Variants in TRIM45 observed in about 807,000 individuals in gnomAD.
TRIM45 encodes the protein E3 ubiquitin-protein ligase TRIM45.
Under a neutral mutation model 46.7 loss-of-function variants are expected in TRIM45, and 45 were observed. The ratio of observed to expected loss-of-function variants is 0.96; its 90% CI spans 0.76 to 1.24. TRIM45 has a LOEUF of 1.24. Ranked by LOEUF, TRIM45 falls within the 50% of genes most tolerant of loss-of-function variation. TRIM45 has a pLI of 0.00. For missense variants in TRIM45, 680 were observed against 728.4 expected (o/e 0.93, Z 0.77); for synonymous variants, 259 against 285.8 (o/e 0.91, Z 0.94).
rs1650520665 is a variant in TRIM45, at chr1:117,118,993, C to T, written c.489-226G>A. On this transcript the variant is annotated intron_variant, in intron 1 of 5. Coordinates refer to ENST00000256649, the MANE Select transcript of TRIM45 (RefSeq NM_025188.4). This position sits in a 1 kb window ranked among gnomAD's most constrained non-coding sequence, Gnocchi z 5.7. The stretch of plus-strand genomic sequence containing the variant: ...TTGTATAGAATAACGTGTGAACAGA[C>T]TAGGGCTCTGGCTGGCTACATGCCT... Among the ~76,000 whole-genome samples, 1 of 152,238 alleles carries T rather than the reference C, an allele frequency of 6.6e-6. No homozygotes were observed. Among genetic ancestry groups the T allele is most frequent in the Admixed American group, 6.5e-5 (1 of 15,282 alleles).
At position 117,121,163 on chromosome 1, in the gene TRIM45, GCTTA is replaced by G. The variant is rs768919027; in HGVS notation, c.35_38del (p.Val12AlafsTer49). On this transcript the variant is annotated frameshift_variant, in exon 1 of 6. Coordinates refer to ENST00000256649, the MANE Select transcript of TRIM45 (RefSeq NM_025188.4). LOFTEE classifies it high-confidence loss of function. The surrounding 1 kb of genome is among the most constrained non-coding windows in gnomAD (Gnocchi z 4.2). ...CAAGTGCAGTCCCACTAGTGAGTTTGCTTACAAAGCCCAGCAGCGGTTTTCTGTT... is the reference window on the plus strand; with the variant it reads ...CAAGTGCAGTCCCACTAGTGAGTTTGCAAAGCCCAGCAGCGGTTTTCTGTT... The G allele has an allele frequency of 8.2e-6, 13 of 1,583,830 alleles. No homozygotes were observed. The highest frequency in any genetic ancestry group is 1.1e-5 in the Non-Finnish European group (13 of 1,166,644).
chr1:117,121,088 G>T lies in TRIM45; in HGVS notation c.114C>A (p.Ala38=), dbSNP rs374735368. The T allele has an allele frequency of 6.6e-5, 106 of 1,613,872 alleles. No homozygotes were observed. Among genetic ancestry groups the T allele is most frequent in the Admixed American group, 8.3e-5 (5 of 59,976 alleles). The change falls in exon 1 of 6, where the codon GCC becomes GCA. Residue 38 remains alanine (A), a synonymous_variant. Coordinates refer to ENST00000256649, the MANE Select transcript of TRIM45 (RefSeq NM_025188.4). The surrounding 1 kb of genome is among the most constrained non-coding windows in gnomAD (Gnocchi z 4.2). ...TATGCAAACAAGGCAAGAGCCTGGG[G>T]GCTTTGAAAAGCCCCAAGCACAGGG... ...HCPLCLGLFK[A]PRLLPCLHTV...
At position 117,112,082 on chromosome 1, in the gene TRIM45, G is replaced by A. The variant is rs570500409; in HGVS notation, c.*223C>T. On this transcript the variant is annotated 3_prime_UTR_variant, in exon 6 of 6. Coordinates refer to ENST00000256649, the MANE Select transcript of TRIM45 (RefSeq NM_025188.4). Reference sequence around the variant, plus strand: ...GAGTATCCTGTGGTAGAAAAAGAACGTTGCCAACCTACCTTTAAGAGAAAT... The same window carrying A: ...GAGTATCCTGTGGTAGAAAAAGAACATTGCCAACCTACCTTTAAGAGAAAT... The A allele has an allele frequency of 2.4e-5, 10 of 423,266 alleles. No homozygotes were observed. The highest frequency in any genetic ancestry group is 1.1e-4 in the East Asian group (3 of 26,326). 26.2% of individuals were successfully genotyped at this position (423,266 alleles called of 1,614,324 possible).
At position 117,112,077 on chromosome 1, in the gene TRIM45, A is replaced by G; in HGVS notation, c.*228T>C. On this transcript the variant is annotated 3_prime_UTR_variant, in exon 6 of 6. Coordinates refer to ENST00000256649, the MANE Select transcript of TRIM45 (RefSeq NM_025188.4). ...AAAAGGAGTATCCTGTGGTAGAAAAAGAACGTTGCCAACCTACCTTTAAGA... is the reference window on the plus strand; with the variant it reads ...AAAAGGAGTATCCTGTGGTAGAAAAGGAACGTTGCCAACCTACCTTTAAGA... 1 of 420,026 alleles carries G rather than the reference A, an allele frequency of 2.4e-6. No individual in the cohort carries two copies. The highest frequency in any genetic ancestry group is 4.1e-6 in the Non-Finnish European group (1 of 242,622). 26.0% of individuals were successfully genotyped at this position (420,026 alleles called of 1,614,324 possible).
Position 117,118,211 on chromosome 1 carries a change from C to T in TRIM45, c.1045G>A (p.Val349Met), listed in dbSNP as rs1238474917. 1 of 1,614,224 alleles carries T rather than the reference C, an allele frequency of 6.2e-7. No individual in the cohort carries two copies. The highest frequency in any genetic ancestry group is 8.5e-7 in the Non-Finnish European group (1 of 1,180,046). ...AGCTTCCTGAGCCGTTCTACCACCACCCTCTTGGTGATGAGGATCTCCAAG... is the reference window on the plus strand; with the variant it reads ...AGCTTCCTGAGCCGTTCTACCACCATCCTCTTGGTGATGAGGATCTCCAAG... Reference protein sequence around the residue: ...SDLEILITKRVVVERLRKLNK... With the variant: ...SDLEILITKRMVVERLRKLNK... Residue 349 changes from valine to methionine, a missense_variant, in exon 2 of 6, where the codon GTG becomes ATG. This residue lies in a region of TRIM45 where 322 missense variants were observed against 359.3 expected (regional missense o/e 0.90). Transcript: ENST00000256649. This position sits in a 1 kb window ranked among gnomAD's most constrained non-coding sequence, Gnocchi z 5.7.
Position 117,121,067 on chromosome 1 carries a change from CA to C in TRIM45, c.134del (p.Leu45CysfsTer17), listed in dbSNP as rs1449556573. ...CCAGACACGTGGTGCAAACTGTATG[CA>C]AACAAGGCAAGAGCCTGGGGGCTTT... Reference protein sequence around the residue: ...LFKAPRLLPCLHTVCTTCLEQ... With the variant: ...LFKAPRLLPCXHTVCTTCLEQ... On this transcript the variant is annotated frameshift_variant, in exon 1 of 6. Coordinates refer to ENST00000256649, the MANE Select transcript of TRIM45 (RefSeq NM_025188.4). LOFTEE classifies it high-confidence loss of function. This position sits in a 1 kb window ranked among gnomAD's most constrained non-coding sequence, Gnocchi z 4.2. 1.8e-5 allele frequency: 29 copies of C among 1,614,036 alleles called. No homozygotes were observed. The highest frequency in any genetic ancestry group is 2.4e-5 in the Non-Finnish European group (28 of 1,180,042).
Position 117,118,448 on chromosome 1 carries a change from C to G in TRIM45, c.808G>C (p.Val270Leu), listed in dbSNP as rs752381843. Residue 270 changes from valine to leucine, a missense_variant, in exon 2 of 6, where the codon GTG becomes CTG. By Grantham distance (32) the Val-to-Leu change is conservative (BLOSUM62 1). Transcript: ENST00000256649. This position sits in a 1 kb window ranked among gnomAD's most constrained non-coding sequence, Gnocchi z 5.7. The stretch of plus-strand genomic sequence containing the variant: ...CGGACATCAGCTGCCACTGCCTCCA[C>G]TCGCTTCTGGAGGGCACTGTTTATT... Reference protein sequence around the residue: ...HIINSALQKRVEAVAADVRTF... With the variant: ...HIINSALQKRLEAVAADVRTF... The G allele has an allele frequency of 1.2e-6, 2 of 1,614,158 alleles. No individual in the cohort carries two copies. The highest frequency in any genetic ancestry group is 2.2e-5 in the South Asian group (2 of 91,076).
Position 117,113,217 on chromosome 1 carries a change from G to T in TRIM45, c.1594+142C>A. The T allele has an allele frequency of 8.4e-7, 1 of 1,183,930 alleles. No homozygotes were observed. The highest frequency in any genetic ancestry group is 1.2e-6 in the Non-Finnish European group (1 of 841,736). The allele number at this position is 1,183,930 out of a possible 1,614,324, so 73.3% of individuals were successfully genotyped here. ...AGCTTTAAGTGACACTTTTAGAACA[G>T]TGGTGTCTCTACAATCACAGACTGT... is the stretch of plus-strand genomic sequence containing the variant. On this transcript the variant is annotated intron_variant, in intron 5 of 5. Transcript: ENST00000256649. This position sits in a 1 kb window ranked among gnomAD's most constrained non-coding sequence, Gnocchi z 4.0.
In TRIM45 at chr1:117,113,563, C is replaced by CA; in HGVS notation, c.1468-79dup. ...GTGCTGCGCATCACTATGTGCTAAA[C>CA]AGAGTCTGAGGCACAGGGCCTGTCC... On this transcript the variant is annotated intron_variant, in intron 4 of 5. Transcript: ENST00000256649. The surrounding 1 kb of genome is among the most constrained non-coding windows in gnomAD (Gnocchi z 4.0). The CA allele has an allele frequency of 6.5e-7, 1 of 1,542,364 alleles. No homozygotes were observed. Among genetic ancestry groups the CA allele is most frequent in the East Asian group, 2.3e-5 (1 of 43,144 alleles).
chr1:117,122,764 C>T (rs1650705985), upstream of TRIM45, among the ~76,000 whole-genome samples: 1 of 152,132 alleles, frequency 6.6e-6, no homozygotes, highest in African/African-American at 2.4e-5. Flanking sequence ...ACACGGCCAC[C>T]TTCTCTGGCC....
Position 117,121,490 on chromosome 1 carries a change from C to T in TRIM45, c.-289G>A. Reference sequence around the variant, plus strand: ...CCCGGATGCGCTTCCAGGTCTAGCTCTCCAGCTAGTCCTGCTGCCAACAAA... The same window carrying T: ...CCCGGATGCGCTTCCAGGTCTAGCTTTCCAGCTAGTCCTGCTGCCAACAAA... On this transcript the variant is annotated 5_prime_UTR_variant, in exon 1 of 6. Transcript: ENST00000256649. The surrounding 1 kb of genome is among the most constrained non-coding windows in gnomAD (Gnocchi z 4.2). 1 of 526,248 alleles carries T rather than the reference C, an allele frequency of 1.9e-6. No homozygotes were observed. The highest frequency in any genetic ancestry group is 3.2e-5 in the East Asian group (1 of 31,606). The allele number at this position is 526,248 out of a possible 1,614,324, so 32.6% of individuals were successfully genotyped here. A position where few individuals can be genotyped will look rare whatever the true frequency, so the allele number is the denominator to read the frequency against.
In TRIM45 at chr1:117,120,986, G is replaced by A. The variant is rs765217529; in HGVS notation, c.216C>T (p.Ser72=). The change falls in exon 1 of 6, where the codon AGC becomes AGT. Residue 72 remains serine (S), a synonymous_variant. Coordinates refer to ENST00000256649, the MANE Select transcript of TRIM45 (RefSeq NM_025188.4). ...GTTCCTGGAATATTGACCCCTCAGA[G>A]CTTGTGTCAGAGTCTCCCCCTCGGA... ...VDIRGGDSDT[S]SEGSIFQELK... The A allele has an allele frequency of 3.1e-6, 5 of 1,614,080 alleles. No individual in the cohort carries two copies. Among genetic ancestry groups the A allele is most frequent in the Non-Finnish European group, 4.2e-6 (5 of 1,180,052 alleles).
At chr1:117,120,463 A>G (rs1421591974) in intron 1 of TRIM45, among the ~76,000 whole-genome samples, 1 of 152,178 alleles carries the variant, frequency 6.6e-6, no homozygotes, top group Non-Finnish European at 1.5e-5. Context: ...ACTGAAGGAA[A>G]CTGTAGCTGC....
rs1244601726 is a variant in TRIM45, at chr1:117,121,691, G to C, written c.-490C>G. The C allele has an allele frequency of 1.8e-6, 1 of 551,532 alleles. No individual in the cohort carries two copies. Among genetic ancestry groups the C allele is most frequent in the African/African-American group, 2.0e-5 (1 of 49,714 alleles). 34.2% of individuals were successfully genotyped at this position (551,532 alleles called of 1,614,324 possible). ...TGAGGGAATTGCAAGCCGCCGGCGG[G>C]CTTCTCGGTGTCCACCGCCTCTCCC... is the stretch of plus-strand genomic sequence containing the variant. On this transcript the variant is annotated 5_prime_UTR_variant, in exon 1 of 6. Transcript: ENST00000256649. The surrounding 1 kb of genome is among the most constrained non-coding windows in gnomAD (Gnocchi z 4.2).
chr1:117,121,997 G>A (rs1650664492), upstream of TRIM45: 1 of 581,236 alleles, frequency 1.7e-6, no homozygotes, highest in Non-Finnish European at 3.1e-6. This position sits in a 1 kb window ranked among gnomAD's most constrained non-coding sequence, Gnocchi z 4.2. Context: ...CGGAGCGAGC[G>A]GCATAGTGTA....
At chr1:117,119,785 A>T (rs1000399040) in intron 1 of TRIM45, among the ~76,000 whole-genome samples, 3 of 152,168 alleles carry the variant, frequency 2.0e-5, no homozygotes, top group African/African-American at 7.2e-5. Context: ...TTATATGCCT[A>T]TTCTGGCACC....
Position 117,121,745 on chromosome 1 carries a change from C to T in TRIM45, c.-544G>A. ...CCTCGGCCCGGGACGCCCGCGGGCT[C>T]TGGCCCCTCCTCACACCAATCCCAG... is the stretch of plus-strand genomic sequence containing the variant. On this transcript the variant is annotated 5_prime_UTR_variant, in exon 1 of 6. Transcript: ENST00000256649. The surrounding 1 kb of genome is among the most constrained non-coding windows in gnomAD (Gnocchi z 4.2). 1 of 652,724 alleles carries T rather than the reference C, an allele frequency of 1.5e-6. No individual in the cohort carries two copies. The highest frequency in any genetic ancestry group is 1.6e-5 in the South Asian group (1 of 61,242). The allele number at this position is 652,724 out of a possible 1,614,324, so 40.4% of individuals were successfully genotyped here.
upstream of TRIM45, among the ~76,000 whole-genome samples, chr1:117,123,013 A>G (rs188557172): frequency 0.011 from 1,595 of 148,474 alleles, 32 homozygotes; most frequent in African/African-American, 0.038. Flanking sequence ...AAAGTATGGA[A>G]TCTGAAAAAA....
At chr1:117,114,902 G>C (rs1157283865) in intron 4 of TRIM45, among the ~76,000 whole-genome samples, 1 of 152,144 alleles carries the variant, frequency 6.6e-6, no homozygotes, top group Admixed American at 6.5e-5. Flanking sequence ...GATTTCTGTG[G>C]AGGGAAACCT....
Sources: allele counts gnomAD v4.1 joint callset (sites outside exome capture counted in the v4.1 genomes callset), GRCh38; gene constraint gnomAD v4.1.1; regional missense constraint gnomAD v4.1.1; non-coding constraint Gnocchi (gnomAD v3.1); transcripts MANE v1.5; gene names NCBI Gene and HGNC (gene_info 2026-07-23, HGNC 2026-07-21).